STXBP5L: variants seen among roughly 807,000 people sequenced by gnomAD.
STXBP5L encodes the protein syntaxin-binding protein 5-like.
In STXBP5L, 65 loss-of-function variants were observed where a neutral mutation model predicts 144.5. The observed-to-expected ratio is 0.45, with a 90% CI of 0.37 to 0.55. STXBP5L has a LOEUF of 0.55. Among genes scored for constraint, STXBP5L ranks in the 20% least tolerant of loss-of-function variants. The probability of loss-of-function intolerance (pLI) is 0.00; values close to 1 mark genes in which losing one functional copy is unlikely to be tolerated. For synonymous variants in STXBP5L, 505 were observed against 469.6 expected (o/e 1.08, Z -0.97); for missense variants, 1,298 against 1,405.5 (o/e 0.92, Z 1.22).
chr3:121,064,142 G>C (rs2041426577), intron 5 of STXBP5L, among the ~76,000 whole-genome samples: 1 of 152,036 alleles, frequency 6.6e-6, no homozygotes, highest in African/African-American at 2.4e-5. Flanking sequence ...GAATCTCCTG[G>C]TCTGCAGGTT....
At chr3:120,978,508 G>A (rs1941355954) in intron 3 of STXBP5L, among the ~76,000 whole-genome samples, 1 of 152,074 alleles carries the variant, frequency 6.6e-6, no homozygotes, top group Admixed American at 6.6e-5. Flanking sequence ...CTGTAGCTCG[G>A]AGTAGTTTGA....
intron 14 of STXBP5L, among the ~76,000 whole-genome samples, chr3:121,241,422 T>C (rs2701056): frequency 1 from 152,054 of 152,054 alleles, 76,027 homozygotes; most frequent in Non-Finnish European, 1. Flanking sequence ...CACACACCTT[T>C]CTCCCACACA....
At chr3:121,009,832 C>T (rs1179553270) in intron 3 of STXBP5L, among the ~76,000 whole-genome samples, 1 of 151,794 alleles carries the variant, frequency 6.6e-6, no homozygotes, top group Non-Finnish European at 1.5e-5. Flanking sequence ...GGCCTAGTAG[C>T]ATGTCAGGAA....
chr3:120,924,836 G>A (rs1310556941), intron 2 of STXBP5L, among the ~76,000 whole-genome samples: 2 of 150,230 alleles, frequency 1.3e-5, no homozygotes, highest in African/African-American at 2.5e-5. Context: ...CAGCCTCCCC[G>A]AGTAGCTGGG....
At chr3:120,988,454 A>G (rs1207426336) in intron 3 of STXBP5L, among the ~76,000 whole-genome samples, 1 of 151,990 alleles carries the variant, frequency 6.6e-6, no homozygotes, top group Non-Finnish European at 1.5e-5. Flanking sequence ...CATTGTGTTA[A>G]GAAAAAACAC....
chr3:121,051,836 G>A (rs1041737211), intron 5 of STXBP5L, among the ~76,000 whole-genome samples: 10 of 152,172 alleles, frequency 6.6e-5, no homozygotes, highest in East Asian at 3.9e-4. Flanking sequence ...TTGATAGACC[G>A]CTAGCAAGAC....
At chr3:121,334,735 A>C (rs991404177) in intron 20 of STXBP5L, among the ~76,000 whole-genome samples, 5 of 152,138 alleles carry the variant, frequency 3.3e-5, no homozygotes, top group Non-Finnish European at 2.9e-5. Flanking sequence ...TAAAGATAGA[A>C]ACCACATGAT....
intron 2 of STXBP5L, among the ~76,000 whole-genome samples, chr3:120,935,762 AAAGT>A: frequency 6.6e-6 from 1 of 151,280 alleles, no homozygotes. Flanking sequence ...CTCAATAGAT[AAAGT>A]TTAGTTTTTC....
At chr3:121,107,339 A>G (rs2043760707) in intron 5 of STXBP5L, among the ~76,000 whole-genome samples, 2 of 152,014 alleles carry the variant, frequency 1.3e-5, no homozygotes, top group Non-Finnish European at 2.9e-5. Flanking sequence ...CAGAGTTTTT[A>G]TAGTTTGGGG....
At chr3:121,233,066 C>T (rs772874593) in intron 11 of STXBP5L, among the ~76,000 whole-genome samples, 1 of 152,144 alleles carries the variant, frequency 6.6e-6, no homozygotes, top group Non-Finnish European at 1.5e-5. Flanking sequence ...TCCATGGCAA[C>T]TGAAGAGCTT....
Position 121,402,738 on chromosome 3 carries a change from A to G in STXBP5L, c.2588-4505A>G, listed in dbSNP as rs569543885. On this transcript the variant is annotated intron_variant, in intron 22 of 26. Coordinates refer to ENST00000471454, the MANE Select transcript of STXBP5L (RefSeq NM_001308330.2). ...GGCTCTTATGCTGCTAGGTAATCAT[A>G]CTATATTTTCCTAGTCCTTGCCCCT... 3.9e-5 allele frequency among the ~76,000 whole-genome samples: 6 copies of G among 152,264 alleles called. No homozygotes were observed. The East Asian group carries it at 1.2e-3, about 29-fold the overall frequency.
At chr3:121,055,857 ATTT>A (rs5852260) in intron 5 of STXBP5L, among the ~76,000 whole-genome samples, 1 of 137,546 alleles carries the variant, frequency 7.3e-6, no homozygotes. Flanking sequence ...ACTAATGTTA[ATTT>A]TTTTTTTTTT....
intron 6 of STXBP5L, among the ~76,000 whole-genome samples, chr3:121,119,712 A>G (rs2107844412): frequency 6.6e-6 from 1 of 151,398 alleles, no homozygotes; most frequent in South Asian, 2.1e-4. Flanking sequence ...TGGAAGTTTA[A>G]TGTTAGGGAA....
chr3:121,008,513 A>G (rs1944522913), intron 3 of STXBP5L, among the ~76,000 whole-genome samples: 1 of 152,044 alleles, frequency 6.6e-6, no homozygotes, highest in African/African-American at 2.4e-5. Context: ...TCAAACCTAT[A>G]TATTACAACT....
At chr3:121,047,423 G>A (rs1224776277) in intron 5 of STXBP5L, among the ~76,000 whole-genome samples, 1 of 152,014 alleles carries the variant, frequency 6.6e-6, no homozygotes. Context: ...TTTCTGACTG[G>A]ATGGTCTATC....
chr3:121,317,001 C>A (rs1356431694), intron 19 of STXBP5L, among the ~76,000 whole-genome samples: 1 of 152,190 alleles, frequency 6.6e-6, no homozygotes, highest in African/African-American at 2.4e-5. Context: ...TATAGCAACT[C>A]TGTGGATTAA....
chr3:121,058,346 G>A (rs1034510277), intron 5 of STXBP5L, among the ~76,000 whole-genome samples: 5 of 152,200 alleles, frequency 3.3e-5, no homozygotes, highest in Non-Finnish European at 7.3e-5. Flanking sequence ...TGGTGTACAT[G>A]TGCCACATTT....
chr3:121,375,944 G>A (rs948613751), intron 20 of STXBP5L, among the ~76,000 whole-genome samples: 2 of 152,052 alleles, frequency 1.3e-5, no homozygotes, highest in Admixed American at 1.3e-4. Flanking sequence ...TAATTTGTTA[G>A]CATTAAGAAA....
chr3:120,981,149 G>A (rs1322633822), intron 3 of STXBP5L, among the ~76,000 whole-genome samples: 1 of 151,940 alleles, frequency 6.6e-6, no homozygotes, highest in Non-Finnish European at 1.5e-5. Context: ...TCTCTTTCAT[G>A]TTAACTTTGG....
Sources: allele counts gnomAD v4.1 joint callset (sites outside exome capture counted in the v4.1 genomes callset), GRCh38; gene constraint gnomAD v4.1.1; transcripts MANE v1.5; gene names NCBI Gene and HGNC (gene_info 2026-07-23, HGNC 2026-07-21).